Variants in CUL2 observed in about 807,000 individuals in gnomAD.
The protein encoded by CUL2 is cullin-2.
CUL2 carries 22 observed loss-of-function variants against 110.2 expected under a neutral mutation model. That is an observed-to-expected ratio of 0.20 (90% CI 0.14 to 0.28). The LOEUF (loss-of-function observed/expected upper bound fraction) is 0.28, where lower values mean the gene tolerates loss of function less well. Ranked by LOEUF, CUL2 falls within the 10% of genes least tolerant of loss-of-function variation. The probability of loss-of-function intolerance (pLI) is 1.00; values close to 1 mark genes in which losing one functional copy is unlikely to be tolerated. For synonymous variants in CUL2, 279 were observed against 293.2 expected (o/e 0.95, Z 0.49); for missense variants, 631 against 905.5 (o/e 0.70, Z 3.89).
chr10:35,124,649 T>G (rs1439119015), intron 1 of CUL2, among the ~76,000 whole-genome samples: 1 of 152,168 alleles, frequency 6.6e-6, no homozygotes, highest in Non-Finnish European at 1.5e-5. Flanking sequence ...CTTATAGGGC[T>G]AGCAGTGCCA....
At chr10:35,038,758 C>T (rs911134882) in intron 9 of CUL2, among the ~76,000 whole-genome samples, 162 bp downstream of exon 9, 2 of 151,738 alleles carry the variant, frequency 1.3e-5, no homozygotes, top group African/African-American at 4.8e-5. Flanking sequence ...AAAACACTTT[C>T]CTAAAATAGT....
intron 17 of CUL2, among the ~76,000 whole-genome samples, chr10:35,017,692 C>CA (rs11307339): frequency 9.7e-4 from 123 of 126,538 alleles, no homozygotes; most frequent in East Asian, 2.1e-3. Context: ...GTATCTGTCT[C>CA]AAAAAAAAAA....
intron 1 of CUL2, among the ~76,000 whole-genome samples, chr10:35,103,590 T>C (rs2087416732): frequency 6.6e-6 from 1 of 152,060 alleles, no homozygotes; most frequent in Non-Finnish European, 1.5e-5. Context: ...CCCAAAGTGC[T>C]GGGATTACAG....
At chr10:35,022,922 G>A (rs528155821) in intron 17 of CUL2, among the ~76,000 whole-genome samples, 3 of 152,290 alleles carry the variant, frequency 2.0e-5, no homozygotes, top group African/African-American at 4.8e-5. Flanking sequence ...GTGTGTGCCT[G>A]TAATCCCAGC....
At chr10:35,061,443 G>C (rs1421676964) in intron 3 of CUL2, among the ~76,000 whole-genome samples, 2 of 138,736 alleles carry the variant, frequency 1.4e-5, no homozygotes, top group Non-Finnish European at 3.1e-5. Context: ...CTGGGTGACA[G>C]AGCAAGACTC....
In CUL2 at chr10:35,044,559, T is replaced by C; in HGVS notation, c.714+7A>G. 1 of 1,538,998 alleles carries C rather than the reference T, an allele frequency of 6.5e-7. No homozygotes were observed. Among genetic ancestry groups the C allele is most frequent in the Non-Finnish European group, 8.9e-7 (1 of 1,124,862 alleles). Reference sequence around the variant, plus strand: ...GATAAATGTATTCGATATGTTTTATTTCTTACCTTTTCCATATACTGTGAG... The same window carrying C: ...GATAAATGTATTCGATATGTTTTATCTCTTACCTTTTCCATATACTGTGAG... On this transcript the variant is annotated splice_region_variant and intron_variant, in intron 8 of 20. Transcript: ENST00000374749.
chr10:35,086,767 A>C (rs2087075510), intron 1 of CUL2, among the ~76,000 whole-genome samples: 1 of 152,200 alleles, frequency 6.6e-6, no homozygotes, highest in Non-Finnish European at 1.5e-5. Context: ...GCAGGGACCA[A>C]ATCAGAAAAT....
At chr10:35,037,272 G>C (rs2085646546) in intron 9 of CUL2, among the ~76,000 whole-genome samples, 1 of 152,208 alleles carries the variant, frequency 6.6e-6, no homozygotes, top group Admixed American at 6.5e-5. Context: ...AATGCGTGTT[G>C]AAAAGACCAT....
rs1184686590 is a variant in CUL2 at position 35,029,471 on chromosome 10, A to G, written c.1539+17T>C. 5 of 1,462,716 alleles carry G rather than the reference A, an allele frequency of 3.4e-6. No homozygotes were observed. The Admixed American group carries it at 9.5e-5, about 28-fold the overall frequency. 90.6% of individuals were successfully genotyped at this position (1,462,716 alleles called of 1,614,324 possible). A position where few individuals can be genotyped will look rare whatever the true frequency, so the allele number is the denominator to read the frequency against. On this transcript the variant is annotated intron_variant, in intron 15 of 20. Transcript: ENST00000374749. ...GAAATGATTAGTAAATGCTCATAGT[A>G]AAACACATATTCATACCTGTAGAAC... is the stretch of plus-strand genomic sequence containing the variant.
At chr10:35,080,481 T>TTTA (rs1564744669) in intron 1 of CUL2, among the ~76,000 whole-genome samples, 3 of 125,116 alleles carry the variant, frequency 2.4e-5, no homozygotes, top group African/African-American at 9.9e-5. Context: ...TTATTTATTT[T>TTTA]TGAGACAGGG....
intron 1 of CUL2, among the ~76,000 whole-genome samples, chr10:35,087,209 G>A (rs753739913): frequency 1.4e-4 from 22 of 152,262 alleles, no homozygotes; most frequent in South Asian, 4.1e-4. Flanking sequence ...GCGCCACCAC[G>A]CCTGGCTAAT....
intron 1 of CUL2, among the ~76,000 whole-genome samples, chr10:35,117,161 G>C (rs1178547310): frequency 6.6e-6 from 1 of 152,204 alleles, no homozygotes; most frequent in Non-Finnish European, 1.5e-5. Flanking sequence ...CCTGCAGGAA[G>C]AGAAGGGCAC....
chr10:35,126,339 T>C (rs1211748061), intron 1 of CUL2, among the ~76,000 whole-genome samples: 1 of 152,198 alleles, frequency 6.6e-6, no homozygotes, highest in Non-Finnish European at 1.5e-5. Flanking sequence ...CTCAAGCTTC[T>C]TTTGGAGAAG....
chr10:35,067,292 A>G (rs1414098908), intron 2 of CUL2, among the ~76,000 whole-genome samples: 1 of 152,206 alleles, frequency 6.6e-6, no homozygotes, highest in Non-Finnish European at 1.5e-5. Flanking sequence ...TATAACCTTT[A>G]GATGCCACTT....
rs555724383 is a variant in CUL2 at position 35,101,679 on chromosome 10, T to C, written c.-50-619A>G. Reference sequence around the variant, plus strand: ...CACTCGTTTCTTCTGAATCAACTCTTGTAACTCTTCAGTTCCAAACTAATC... The same window carrying C: ...CACTCGTTTCTTCTGAATCAACTCTCGTAACTCTTCAGTTCCAAACTAATC... On this transcript the variant is annotated intron_variant, in intron 1 of 5. Coordinates refer to the CUL2 transcript ENST00000685421. 3.3e-5 allele frequency among the ~76,000 whole-genome samples: 5 copies of C among 152,334 alleles called. No homozygotes were observed. The South Asian group carries it at 6.2e-4, about 19-fold the overall frequency.
rs929232010 is a variant in CUL2 at position 35,017,792 on chromosome 10, A to G, written c.1685-1398T>C. On this transcript the variant is annotated intron_variant, in intron 17 of 20. Coordinates refer to ENST00000374749, the MANE Select transcript of CUL2 (RefSeq NM_003591.4). Reference sequence around the variant, plus strand: ...ACAGTTCTGCAACATCCTGGGAGACAGCAGCATGACATCAGCACACTGAAA... The same window carrying G: ...ACAGTTCTGCAACATCCTGGGAGACGGCAGCATGACATCAGCACACTGAAA... 2.0e-5 allele frequency among the ~76,000 whole-genome samples: 3 copies of G among 151,916 alleles called. No homozygotes were observed. The East Asian group carries it at 5.8e-4, about 29-fold the overall frequency.
upstream of CUL2, among the ~76,000 whole-genome samples, chr10:35,093,414 T>C (rs942576352): frequency 6.6e-6 from 1 of 151,986 alleles, no homozygotes. Flanking sequence ...CTCCCAGCAC[T>C]TTGGGAGGCT....
chr10:35,122,341 T>TA (rs2087687672), intron 1 of CUL2, among the ~76,000 whole-genome samples: 1 of 152,218 alleles, frequency 6.6e-6, no homozygotes, highest in Non-Finnish European at 1.5e-5. Flanking sequence ...GGTTAAAAGT[T>TA]ACAACTTCAG....
At chr10:35,075,852 T>C (rs2086806088) in intron 1 of CUL2, among the ~76,000 whole-genome samples, 1 of 152,202 alleles carries the variant, frequency 6.6e-6, no homozygotes, top group African/African-American at 2.4e-5. Flanking sequence ...TGCATGATTG[T>C]CAATAATAAT....
Sources: allele counts gnomAD v4.1 joint callset (sites outside exome capture counted in the v4.1 genomes callset), GRCh38; gene constraint gnomAD v4.1.1; transcripts MANE v1.5; gene names NCBI Gene and HGNC (gene_info 2026-07-23, HGNC 2026-07-21).